The following PCSK5 variants were observed in gnomAD, a reference collection of about 807,000 sequenced individuals.
PCSK5 encodes prohormone convertase 5.
In PCSK5, 129 loss-of-function variants were observed where a neutral mutation model predicts 233.2. The ratio of observed to expected loss-of-function variants is 0.55; its 90% CI spans 0.48 to 0.64. The LOEUF (loss-of-function observed/expected upper bound fraction) is 0.64, where lower values mean the gene tolerates loss of function less well. PCSK5 is among the 30% of genes least tolerant of loss of function. The probability of loss-of-function intolerance (pLI) is 0.00; values close to 1 mark genes in which losing one functional copy is unlikely to be tolerated. For synonymous variants in PCSK5, 825 were observed against 879.2 expected (o/e 0.94, Z 1.09); for missense variants, 2,076 against 2,430.1 (o/e 0.85, Z 3.06).
chr9:75,915,294 A>T (rs891453568), intron 1 of PCSK5, among the ~76,000 whole-genome samples: 1 of 152,190 alleles, frequency 6.6e-6, no homozygotes, highest in Non-Finnish European at 1.5e-5. Context: ...AAGTTGCTGC[A>T]TCCATCATGT....
intron 24 of PCSK5, among the ~76,000 whole-genome samples, chr9:76,266,975 T>C (rs1450157420): frequency 6.6e-6 from 1 of 152,190 alleles, no homozygotes; most frequent in Non-Finnish European, 1.5e-5. Flanking sequence ...ACCTTCCCCA[T>C]TCAGAGGTGC....
chr9:76,221,743 A>C (rs910966685), intron 20 of PCSK5, among the ~76,000 whole-genome samples: 1 of 152,208 alleles, frequency 6.6e-6, no homozygotes, highest in African/African-American at 2.4e-5. Context: ...GTGTAGGCTG[A>C]AGGAAACTAA....
rs77981835 is a variant in PCSK5, at chr9:76,283,526, T to C, written c.3143-8707T>C. On this transcript the variant is annotated intron_variant, in intron 24 of 37. Transcript: ENST00000674117. ...TAATGCTATTGCTTACTTAATAGAC[T>C]ACAGTATAGTGTATTACTTTTATAT... 4.4e-3 allele frequency among the ~76,000 whole-genome samples: 671 copies of C among 152,354 alleles called. 6 individuals are homozygous for C. The highest frequency in any genetic ancestry group is 0.015 in the African/African-American group (628 of 41,566).
rs959954754 is a variant in PCSK5, at chr9:76,125,122, T to TA, written c.1209-8977dup. Among the ~76,000 whole-genome samples, 485 of 149,392 alleles carry TA rather than the reference T, an allele frequency of 3.2e-3. 1 individual carries two copies. The highest frequency in any genetic ancestry group is 9.5e-3 in the African/African-American group (390 of 40,922). ...TTAAAAAAATTATTCATTCTCAATT[T>TA]AAAAAAAAAACTGGCTACAGAAAGG... On this transcript the variant is annotated intron_variant, in intron 9 of 37. Transcript: ENST00000674117.
At chr9:76,227,792 C>T (rs942115703) in intron 21 of PCSK5, among the ~76,000 whole-genome samples, 187 bp downstream of exon 21, 8 of 152,152 alleles carry the variant, frequency 5.3e-5, no homozygotes, top group East Asian at 1.9e-4. Flanking sequence ...CTCCCCATGA[C>T]GCCCAGTCCC....
At chr9:75,943,132 G>A (rs1385230165) in intron 2 of PCSK5, among the ~76,000 whole-genome samples, 8 of 152,094 alleles carry the variant, frequency 5.3e-5, no homozygotes, top group East Asian at 1.9e-4. Flanking sequence ...TGATCCACCC[G>A]CCTCTGCCTC....
rs532689059 is a variant in PCSK5 at position 76,338,690 on chromosome 9, G to T, written c.4966+243G>T. On this transcript the variant is annotated intron_variant, in intron 35 of 37. Coordinates refer to ENST00000674117, the MANE Select transcript of PCSK5 (RefSeq NM_001372043.1). ...CCAGAGACAGGCATCATCTCCTTGA[G>T]GAAGTATTGTTCGTTCACTCATCAT... Among the ~76,000 whole-genome samples the T allele has an allele frequency of 5.3e-5, 8 of 152,174 alleles. No homozygotes were observed. In the South Asian group the frequency reaches 1.7e-3, roughly 32 times the overall value.
intron 2 of PCSK5, among the ~76,000 whole-genome samples, chr9:75,942,340 A>G (rs886161253): frequency 6.6e-6 from 1 of 151,906 alleles, no homozygotes; most frequent in East Asian, 1.9e-4. Flanking sequence ...CCAGTTTATG[A>G]CCCCTTGGGT....
At chr9:76,357,963 G>T (rs574867799) in intron 37 of PCSK5, among the ~76,000 whole-genome samples, 14 of 152,290 alleles carry the variant, frequency 9.2e-5, no homozygotes, top group Admixed American at 3.9e-4. Flanking sequence ...AATTGGGAAA[G>T]AAAATAGAGC....
intron 2 of PCSK5, among the ~76,000 whole-genome samples, chr9:75,936,241 T>C (rs542140527): frequency 6.3e-4 from 96 of 152,356 alleles, no homozygotes; most frequent in Non-Finnish European, 1.2e-3. Flanking sequence ...AGGGTGGTGG[T>C]TGCTGAAGGT....
intron 11 of PCSK5, among the ~76,000 whole-genome samples, chr9:76,157,910 C>G (rs1209294976): frequency 1.3e-5 from 2 of 152,202 alleles, no homozygotes; most frequent in Non-Finnish European, 2.9e-5. Context: ...AAGGGCTAGA[C>G]ACTTCATGTA....
chr9:75,972,428 A>T (rs1470303401), intron 2 of PCSK5, among the ~76,000 whole-genome samples: 1 of 152,226 alleles, frequency 6.6e-6, no homozygotes, highest in Non-Finnish European at 1.5e-5. Context: ...TGTTCATGAT[A>T]GTTTAATGGG....
intron 24 of PCSK5, among the ~76,000 whole-genome samples, chr9:76,274,265 T>G (rs1827622076): frequency 6.6e-6 from 1 of 152,166 alleles, no homozygotes; most frequent in South Asian, 2.1e-4. Flanking sequence ...TGTCTATCAC[T>G]TATAGAAGTT....
intron 35 of PCSK5, among the ~76,000 whole-genome samples, chr9:76,339,895 T>G (rs1015827284): frequency 6.6e-6 from 1 of 152,152 alleles, no homozygotes; most frequent in Non-Finnish European, 1.5e-5. Flanking sequence ...GCAGTCCCCT[T>G]AACTTATGTC....
At chr9:76,351,371 T>C (rs1830116962) in intron 36 of PCSK5, among the ~76,000 whole-genome samples, 1 of 151,280 alleles carries the variant, frequency 6.6e-6, no homozygotes, top group African/African-American at 2.4e-5. Flanking sequence ...TTAAGAAGAA[T>C]TCATTTGCAG....
chr9:76,192,628 TGTTGAATTTAATTGC>T, intron 20 of PCSK5, among the ~76,000 whole-genome samples: 1 of 122,290 alleles, frequency 8.2e-6, no homozygotes, highest in Non-Finnish European at 1.9e-5. Flanking sequence ...CTTCTTCTTG[TGTTGAATTTAATTGC>T]CGTTCTAAAG....
chr9:76,351,051 T>C (rs922298483), intron 36 of PCSK5, 123 bp downstream of exon 36: 3 of 598,394 alleles, frequency 5.0e-6, no homozygotes, highest in South Asian at 2.3e-5. Context: ...AAATAGTGTA[T>C]GTTTAGTATT....
chr9:76,356,750 G>T (rs1830313165), intron 37 of PCSK5, among the ~76,000 whole-genome samples: 1 of 152,164 alleles, frequency 6.6e-6, no homozygotes, highest in Non-Finnish European at 1.5e-5. Flanking sequence ...ACATAGTCAT[G>T]ATGTATCAGA....
intron 1 of PCSK5, among the ~76,000 whole-genome samples, chr9:75,921,199 A>G (rs1332018252): frequency 6.6e-6 from 1 of 152,162 alleles, no homozygotes; most frequent in Non-Finnish European, 1.5e-5. Context: ...AATCACCTAG[A>G]TGTTTTCAAA....
Sources: allele counts gnomAD v4.1 joint callset (sites outside exome capture counted in the v4.1 genomes callset), GRCh38; gene constraint gnomAD v4.1.1; transcripts MANE v1.5; gene names NCBI Gene and HGNC (gene_info 2026-07-23, HGNC 2026-07-21).